Variants in CHERP observed in about 807,000 individuals in gnomAD.
CHERP encodes calcium homeostasis endoplasmic reticulum protein, also known as ERPROT 213-21.
Under a neutral mutation model 113.8 loss-of-function variants are expected in CHERP, and 8 were observed. The observed-to-expected ratio is 0.07, with a 90% confidence interval of 0.04 to 0.13. The LOEUF (loss-of-function observed/expected upper bound fraction) is 0.13, where lower values mean the gene tolerates loss of function less well. Among genes scored for constraint, CHERP ranks in the 10% least tolerant of loss-of-function variants. CHERP has a pLI of 1.00. For missense variants in CHERP, 884 were observed against 1,298.2 expected (o/e 0.68, Z 4.90); for synonymous variants, 559 against 524.5 (o/e 1.07, Z -0.90).
At chr19:16,541,086 C>G (rs1003845281) in intron 2 of CHERP, 3 of 152,092 alleles carry the variant, frequency 2.0e-5, no homozygotes, top group Non-Finnish European at 4.4e-5. Flanking sequence ...AGCGTGTAGT[C>G]CCCTGAACTA....
At chr19:16,537,349 C>A (rs2085748222) in intron 2 of CHERP, among the ~76,000 whole-genome samples, 2 of 152,072 alleles carry the variant, frequency 1.3e-5, no homozygotes, top group South Asian at 4.1e-4. Flanking sequence ...GGCCTGTGTT[C>A]TGAGCCCTGT....
In CHERP at chr19:16,520,988, T is replaced by A. The variant is rs16981292; in HGVS notation, c.2115-76A>T. On this transcript the variant is annotated intron_variant, in intron 12 of 16. Transcript: ENST00000546361. The surrounding 1 kb of genome is among the most constrained non-coding windows in gnomAD (Gnocchi z 4.0). ...AAGTCGTGAAAAAGTCATCAGGAGT[T>A]AATCCACAGAACCTTGGAGAGTACA... 1.5e-3 allele frequency: 1,950 copies of A among 1,260,492 alleles called. 26 individuals are homozygous for A. The African/African-American group carries it at 0.026, about 17-fold the overall frequency. The allele number at this position is 1,260,492 out of a possible 1,614,324, so 78.1% of individuals were successfully genotyped here.
chr19:16,538,962 A>C (rs576012872), intron 2 of CHERP, among the ~76,000 whole-genome samples: 1 of 150,690 alleles, frequency 6.6e-6, no homozygotes, highest in Admixed American at 6.6e-5. Flanking sequence ...CCTCAGGCTC[A>C]ACCTACTGAC....
chr19:16,520,648 G>C lies in CHERP; in HGVS notation c.2202-141C>G. 8.4e-7 allele frequency: 1 copy of C among 1,189,430 alleles called. No homozygotes were observed. The highest frequency in any genetic ancestry group is 1.2e-6 in the Non-Finnish European group (1 of 829,056). 73.7% of individuals were successfully genotyped at this position (1,189,430 alleles called of 1,614,324 possible). Reference sequence around the variant, plus strand: ...GCCATAGCCACAGCAACGGTACCAAGTTCCTAAATAGTGTGGCCGAGCCTG... The same window carrying C: ...GCCATAGCCACAGCAACGGTACCAACTTCCTAAATAGTGTGGCCGAGCCTG... On this transcript the variant is annotated intron_variant, in intron 13 of 16. Transcript: ENST00000546361. The surrounding 1 kb of genome is among the most constrained non-coding windows in gnomAD (Gnocchi z 4.0).
rs2085732572 is a variant in CHERP at position 16,535,161 on chromosome 19, G to GT, written c.384+290_384+291insA. Among the ~76,000 whole-genome samples, 1 of 152,228 alleles carries GT rather than the reference G, an allele frequency of 6.6e-6. No individual in the cohort carries two copies. Among genetic ancestry groups the GT allele is most frequent in the Non-Finnish European group, 1.5e-5 (1 of 68,036 alleles). On this transcript the variant is annotated intron_variant, in intron 3 of 16. Coordinates refer to ENST00000546361, the MANE Select transcript of CHERP (RefSeq NM_006387.6). The surrounding 1 kb of genome is among the most constrained non-coding windows in gnomAD (Gnocchi z 4.3). ...AATGGTAGGCACCAGAGGCTGCCTG[G>GT]CCACAGCCATTAGGGAGCTTCAAGG...
At chr19:16,522,501 C>T (rs192161005) in intron 11 of CHERP, among the ~76,000 whole-genome samples, 25 of 152,222 alleles carry the variant, frequency 1.6e-4, no homozygotes, top group Admixed American at 7.2e-4. Context: ...CCTCGTGATC[C>T]GCCCGCCTCG....
Position 16,529,933 on chromosome 19 carries a change from T to A in CHERP, c.877-33A>T, listed in dbSNP as rs758712749. ...AGAGAAGAGCACCCGCTGCTCAGTA[T>A]GCGGCCTTGGGGCTCGCTGCCTGGC... On this transcript the variant is annotated intron_variant, in intron 7 of 16. Transcript: ENST00000546361. The A allele has an allele frequency of 1.1e-5, 17 of 1,598,208 alleles. No individual in the cohort carries two copies. In the Admixed American group the frequency reaches 2.9e-4, roughly 27 times the overall value.
chr19:16,528,780 C>T (rs552234920), intron 8 of CHERP, among the ~76,000 whole-genome samples: 44 of 152,226 alleles, frequency 2.9e-4, no homozygotes, highest in Admixed American at 2.2e-3. Context: ...GGTGAAACCC[C>T]GTCTCTACTA....
Position 16,532,406 on chromosome 19 carries a change from A to C in CHERP, c.674+192T>G. 1 of 646,900 alleles carries C rather than the reference A, an allele frequency of 1.5e-6. No individual in the cohort carries two copies. The allele number at this position is 646,900 out of a possible 1,614,324, so 40.1% of individuals were successfully genotyped here. ...GGCATGCAGCGAAGGTGCACAGGAC[A>C]CCTAGACCTCGCAGTCCTGGAGACA... On this transcript the variant is annotated intron_variant, in intron 5 of 16. Transcript: ENST00000546361. This position sits in a 1 kb window ranked among gnomAD's most constrained non-coding sequence, Gnocchi z 4.4.
In CHERP at chr19:16,519,052, A is replaced by G; in HGVS notation, c.*107T>C. ...TCTTCCTGTGGCTCTCCACAAGTGG[A>G]GACGGTGTAAGAACTGAGCTGTCAC... On this transcript the variant is annotated 3_prime_UTR_variant, in exon 17 of 17. Transcript: ENST00000546361. The surrounding 1 kb of genome is among the most constrained non-coding windows in gnomAD (Gnocchi z 6.0). 1 of 998,262 alleles carries G rather than the reference A, an allele frequency of 1.0e-6. No homozygotes were observed. The highest frequency in any genetic ancestry group is 1.5e-6 in the Non-Finnish European group (1 of 676,928). 61.8% of individuals were successfully genotyped at this position (998,262 alleles called of 1,614,324 possible).
At position 16,520,798 on chromosome 19, in the gene CHERP, C is replaced by A; in HGVS notation, c.2201+28G>T. ...TCACAAGCTGTGGACCCTGGCCCCC[C>A]GGCCACTGCAGACATCTGCGCTTTT... On this transcript the variant is annotated intron_variant, in intron 13 of 16. Transcript: ENST00000546361. This position sits in a 1 kb window ranked among gnomAD's most constrained non-coding sequence, Gnocchi z 4.0. The A allele has an allele frequency of 6.2e-7, 1 of 1,602,470 alleles. No individual in the cohort carries two copies. Among genetic ancestry groups the A allele is most frequent in the South Asian group, 1.1e-5 (1 of 90,894 alleles).
chr19:16,541,781 C>CGAAA, intron 2 of CHERP, 89 bp downstream of exon 2: 2 of 1,375,026 alleles, frequency 1.5e-6, no homozygotes, highest in Non-Finnish European at 2.0e-6. Context: ...ATAAACGACC[C>CGAAA]GAAAGAAAGA....
At position 16,519,192 on chromosome 19, in the gene CHERP, G is replaced by A. The variant is rs746597113; in HGVS notation, c.2718C>T (p.Ile906=). The part of the protein sequence containing the change: ...NYRRNKSYSF[I]ARMKARDECK ...ACTCGTCCCTGGCCTTCATGCGGGC[G>A]ATGAAGGAGTAGCTCTTGTTCCTGC... is the stretch of plus-strand genomic sequence containing the variant. The change falls in exon 17 of 17, where the codon ATC becomes ATT. Residue 906 remains isoleucine, a synonymous_variant. Transcript: ENST00000546361. This position sits in a 1 kb window ranked among gnomAD's most constrained non-coding sequence, Gnocchi z 6.0. The A allele has an allele frequency of 1.8e-5, 29 of 1,613,938 alleles. No homozygotes were observed. The East Asian group carries it at 2.0e-4, about 11-fold the overall frequency.
chr19:16,542,285 G>C, intron 1 of CHERP, 69 bp downstream of exon 1: 1 of 1,338,270 alleles, frequency 7.5e-7, no homozygotes. Flanking sequence ...GGGGACTCCG[G>C]GAGGCGGGGC....
In CHERP at chr19:16,530,695, A is replaced by G. The variant is rs375302236; in HGVS notation, c.787-21T>C. The G allele has an allele frequency of 8.1e-6, 13 of 1,613,816 alleles. No homozygotes were observed. The African/African-American group carries it at 9.3e-5, about 12-fold the overall frequency. ...AGGAGCTGGCGGTGGGAGGAGAGAG[A>G]GGCCGGGTCAGTGGGGAGGGGAAAG... On this transcript the variant is annotated intron_variant, in intron 6 of 16. Coordinates refer to ENST00000546361, the MANE Select transcript of CHERP (RefSeq NM_006387.6). The surrounding 1 kb of genome is among the most constrained non-coding windows in gnomAD (Gnocchi z 4.1).
In CHERP at chr19:16,532,889, A is replaced by T; in HGVS notation, c.522+122T>A. 6.6e-7 allele frequency: 1 copy of T among 1,514,322 alleles called. No individual in the cohort carries two copies. The highest frequency in any genetic ancestry group is 8.9e-7 in the Non-Finnish European group (1 of 1,123,974). 93.8% of individuals were successfully genotyped at this position (1,514,322 alleles called of 1,614,324 possible). On this transcript the variant is annotated intron_variant, in intron 4 of 16. Coordinates refer to ENST00000546361, the MANE Select transcript of CHERP (RefSeq NM_006387.6). The surrounding 1 kb of genome is among the most constrained non-coding windows in gnomAD (Gnocchi z 4.4). ...GGGCACAGGGTCCCACAGCCTCAGGAGCTCCAGGCGGGAGGGAAGGGCACC... is the reference window on the plus strand; with the variant it reads ...GGGCACAGGGTCCCACAGCCTCAGGTGCTCCAGGCGGGAGGGAAGGGCACC...
In CHERP at chr19:16,537,679, T is replaced by C. The variant is rs1489551829; in HGVS notation, c.200-2043A>G. On this transcript the variant is annotated intron_variant, in intron 2 of 16. Coordinates refer to ENST00000546361, the MANE Select transcript of CHERP (RefSeq NM_006387.6). ...CCGAGACATCACTCCAATCAGTCTA[T>C]GTCCCCGCTGTCACCACCATGGATC... 2.6e-5 allele frequency among the ~76,000 whole-genome samples: 4 copies of C among 152,098 alleles called. No homozygotes were observed. In the South Asian group the frequency reaches 6.2e-4, roughly 24 times the overall value.
At chr19:16,537,928 C>G (rs2085752301) in intron 2 of CHERP, among the ~76,000 whole-genome samples, 1 of 152,136 alleles carries the variant, frequency 6.6e-6, no homozygotes, top group Admixed American at 6.6e-5. Flanking sequence ...AAGTTTTGGT[C>G]CACACACAAC....
intron 8 of CHERP, among the ~76,000 whole-genome samples, chr19:16,529,014 G>A (rs560871877): frequency 6.9e-4 from 105 of 152,272 alleles, no homozygotes; most frequent in Middle Eastern, 3.4e-3. Context: ...CAGTATTTCC[G>A]TGTCTTTTTC....
Sources: gnomAD v4.1 joint callset for allele counts (sites outside exome capture counted in the v4.1 genomes callset) on GRCh38, gnomAD v4.1.1 for gene constraint, Gnocchi (gnomAD v3.1) non-coding constraint, MANE v1.5 for transcripts, NCBI Gene and HGNC (gene_info 2026-07-23, HGNC 2026-07-21) for gene names.